The following CDH13 variants were observed in gnomAD, a reference collection of about 807,000 sequenced individuals.
CDH13 encodes cadherin 13.
CDH13 carries 24 observed loss-of-function variants against 63.8 expected under a neutral mutation model. The ratio of observed to expected loss-of-function variants is 0.38; its 90% CI spans 0.27 to 0.53. The LOEUF (loss-of-function observed/expected upper bound fraction) is 0.53. Ranked by LOEUF, CDH13 falls within the 20% of genes least tolerant of loss-of-function variation. The pLI is 0.85. For missense variants in CDH13, 1,049 were observed against 903.1 expected, an observed-to-expected ratio of 1.16 and a Z score of -2.07; for synonymous variants, 503 against 355.3, an observed-to-expected ratio of 1.42 and a Z score of -4.67.
intron 6 of CDH13, among the ~76,000 whole-genome samples, chr16:83,424,736 TTC>T (rs1272712260): frequency 3.3e-5 from 5 of 152,230 alleles, no homozygotes; most frequent in Admixed American, 2.0e-4. Flanking sequence ...TCTGGTTCTT[TTC>T]TCTCTCGACT....
At chr16:83,539,972 G>A (rs1040264189) in intron 7 of CDH13, among the ~76,000 whole-genome samples, 1 of 152,092 alleles carries the variant, frequency 6.6e-6, no homozygotes, top group Non-Finnish European at 1.5e-5. Context: ...TTTGACTTTA[G>A]ATAAAATTCT....
At chr16:83,660,765 C>T (rs186249045) in intron 8 of CDH13, among the ~76,000 whole-genome samples, 111 of 152,308 alleles carry the variant, frequency 7.3e-4, no homozygotes, top group Non-Finnish European at 1.0e-3. Context: ...AAATGAGTAT[C>T]TCTACAGAAA....
At chr16:83,763,836 A>C (rs1202475311) in intron 11 of CDH13, among the ~76,000 whole-genome samples, 1 of 152,200 alleles carries the variant, frequency 6.6e-6, no homozygotes, top group East Asian at 1.9e-4. Context: ...AGAACTCTTA[A>C]GATCTGGTAA....
intron 1 of CDH13, among the ~76,000 whole-genome samples, chr16:82,799,169 C>T (rs578006893): frequency 2.1e-4 from 32 of 152,256 alleles, no homozygotes; most frequent in South Asian, 1.0e-3. Flanking sequence ...CCGAGCTCTC[C>T]GCCATGATGT....
At chr16:82,645,294 G>C (rs552190690) in intron 1 of CDH13, among the ~76,000 whole-genome samples, 1 of 152,128 alleles carries the variant, frequency 6.6e-6, no homozygotes, top group African/African-American at 2.4e-5. Context: ...AGATTCCACT[G>C]GGTTTTCAAC....
chr16:83,178,270 A>C (rs2038207966), intron 4 of CDH13, among the ~76,000 whole-genome samples: 1 of 152,102 alleles, frequency 6.6e-6, no homozygotes, highest in African/African-American at 2.4e-5. Context: ...TGTACCCATT[A>C]GCTACCAGCA....
chr16:83,524,390 C>G (rs1270670263), intron 7 of CDH13, among the ~76,000 whole-genome samples: 2 of 150,976 alleles, frequency 1.3e-5, no homozygotes, highest in Non-Finnish European at 2.9e-5. Context: ...ACAGGTCTTC[C>G]AGCCTGTCTA....
intron 1 of CDH13, among the ~76,000 whole-genome samples, chr16:82,695,818 A>G (rs770508834): frequency 6.2e-4 from 94 of 152,342 alleles, no homozygotes; most frequent in Non-Finnish European, 1.2e-3. Context: ...TAGGTTTGTA[A>G]GACAGCACAT....
chr16:83,722,777 G>T (rs550581232), intron 10 of CDH13, among the ~76,000 whole-genome samples: 1 of 152,326 alleles, frequency 6.6e-6, no homozygotes, highest in African/African-American at 2.4e-5. Context: ...GGCTGGGGGG[G>T]TGGATTTCAA....
Position 82,662,759 on chromosome 16 carries a change from A to G in CDH13, c.45+35622A>G, listed in dbSNP as rs186475030. 1.6e-4 allele frequency among the ~76,000 whole-genome samples: 25 copies of G among 152,296 alleles called. No individual in the cohort carries two copies. The East Asian group carries it at 4.6e-3, about 28-fold the overall frequency. On this transcript the variant is annotated intron_variant, in intron 1 of 13. Transcript: ENST00000567109. ...GCTTAAATGTCAAATAGCGCCTGAG[A>G]GGCTTAAACAACCACCAGTATGTGT... is the stretch of plus-strand genomic sequence containing the variant.
intron 2 of CDH13, among the ~76,000 whole-genome samples, chr16:82,866,668 G>T (rs182687226): frequency 2.0e-5 from 3 of 152,060 alleles, no homozygotes; most frequent in African/African-American, 7.2e-5. Flanking sequence ...AGTTTATAAA[G>T]ATAAGAGGTT....
intron 2 of CDH13, among the ~76,000 whole-genome samples, chr16:82,918,283 C>T (rs16958852): frequency 0.36 from 54,376 of 151,960 alleles, 10,466 homozygotes; most frequent in Non-Finnish European, 0.44. Flanking sequence ...CGAGTTCACA[C>T]CTATGAAACT....
Position 83,647,668 on chromosome 16 carries a change from G to A in CDH13, c.1102-23122G>A, listed in dbSNP as rs11865128. ...AATTGACAGATTTTTCCATATTCGG[G>A]GATTATCTAGAATATGATTCCCCTC... is the stretch of plus-strand genomic sequence containing the variant. On this transcript the variant is annotated intron_variant, in intron 8 of 13. Coordinates refer to ENST00000567109, the MANE Select transcript of CDH13 (RefSeq NM_001257.5). 5.2e-3 allele frequency among the ~76,000 whole-genome samples: 786 copies of A among 152,236 alleles called. 5 individuals are homozygous for A. The highest frequency in any genetic ancestry group is 0.018 in the African/African-American group (750 of 41,520).
At chr16:83,046,718 T>C (rs1243952328) in intron 3 of CDH13, among the ~76,000 whole-genome samples, 1 of 152,142 alleles carries the variant, frequency 6.6e-6, no homozygotes, top group Non-Finnish European at 1.5e-5. Context: ...CTTCAGACTG[T>C]CTTCCAAGCA....
At chr16:82,928,697 T>G (rs773154352) in intron 2 of CDH13, among the ~76,000 whole-genome samples, 1 of 152,222 alleles carries the variant, frequency 6.6e-6, no homozygotes, top group Non-Finnish European at 1.5e-5. Flanking sequence ...AATTTACAGA[T>G]TTGAATGGAT....
At chr16:83,726,750 A>G (rs1214573197) in intron 10 of CDH13, among the ~76,000 whole-genome samples, 1 of 152,016 alleles carries the variant, frequency 6.6e-6, no homozygotes, top group African/African-American at 2.4e-5. Context: ...AGGCAGGGGA[A>G]TGGCGTGAAC....
At chr16:83,350,145 C>G (rs1201437376) in intron 6 of CDH13, among the ~76,000 whole-genome samples, 1 of 152,180 alleles carries the variant, frequency 6.6e-6, no homozygotes, top group Admixed American at 6.5e-5. Context: ...TGGGATCCAT[C>G]AGCTCCAATA....
intron 11 of CDH13, among the ~76,000 whole-genome samples, chr16:83,762,388 AT>A (rs5818468): frequency 0.27 from 40,089 of 151,016 alleles, 5,340 homozygotes; most frequent in Non-Finnish European, 0.31. Context: ...AAAGGATAAA[AT>A]AAAAAAAACT....
chr16:83,025,122 G>A (rs142341982), intron 2 of CDH13, among the ~76,000 whole-genome samples: 1 of 152,328 alleles, frequency 6.6e-6, no homozygotes, highest in African/African-American at 2.4e-5. Context: ...CAATAATGGT[G>A]ATCATTCTCA....
Sources: gnomAD v4.1 joint callset for allele counts (sites outside exome capture counted in the v4.1 genomes callset) on GRCh38, gnomAD v4.1.1 for gene constraint, MANE v1.5 for transcripts, NCBI Gene and HGNC (gene_info 2026-07-23, HGNC 2026-07-21) for gene names.